The following CDKN2B-AS1 variants were observed in gnomAD, a reference collection of about 807,000 sequenced individuals.
The protein encoded by CDKN2B-AS1 is CDKN2B and CDKN2A antisense cis and trans regulatory RNA 1, also known as CDKN2B antisense RNA 1 (non-protein coding).
intron 1 of CDKN2B-AS1, among the ~76,000 whole-genome samples, chr9:22,042,220 T>G (rs1351505358): frequency 1.3e-5 from 2 of 152,050 alleles, no homozygotes; most frequent in Admixed American, 6.6e-5. Flanking sequence ...CTACCAGCTG[T>G]CTAGGGGCTA....
intron 3 of CDKN2B-AS1, among the ~76,000 whole-genome samples, chr9:22,052,290 G>A (rs547544050): frequency 1.3e-5 from 2 of 152,084 alleles, no homozygotes; most frequent in Non-Finnish European, 2.9e-5. Context: ...GGTCCCTAGA[G>A]CATAGCAGGC....
chr9:22,120,613 T>TA (rs1222478035), intron 4 of CDKN2B-AS1: 1 of 152,042 alleles, frequency 6.6e-6, no homozygotes, highest in Admixed American at 6.6e-5. Context: ...ATGGTTTTTT[T>TA]AAAAAAATAA....
intron 1 of CDKN2B-AS1, among the ~76,000 whole-genome samples, chr9:22,018,427 G>A (rs544185155): frequency 6.6e-5 from 10 of 152,244 alleles, no homozygotes; most frequent in Non-Finnish European, 1.0e-4. Flanking sequence ...GGAGGCCGAG[G>A]CGGGTGGATC....
At chr9:22,105,860 C>G (rs72652496) in intron 4 of CDKN2B-AS1, among the ~76,000 whole-genome samples, 184 of 152,272 alleles carry the variant, frequency 1.2e-3, no homozygotes, top group Admixed American at 2.5e-3. Flanking sequence ...CAACTATGGG[C>G]TTTATTACTT....
At chr9:22,101,459 G>A (rs186031957) in intron 4 of CDKN2B-AS1, among the ~76,000 whole-genome samples, 1 of 152,106 alleles carries the variant, frequency 6.6e-6, no homozygotes, top group Non-Finnish European at 1.5e-5. Flanking sequence ...TGGATGTTAT[G>A]TCAATTTTAA....
intron 4 of CDKN2B-AS1, chr9:22,077,910 G>C (rs1278361399): frequency 6.6e-6 from 1 of 152,100 alleles, no homozygotes. Flanking sequence ...TGGCTTGAAT[G>C]GTCCTCAGAT....
At position 22,038,427 on chromosome 9, in the gene CDKN2B-AS1, A is replaced by G. The variant is rs1822774510; in HGVS notation, n.30-8324A>G. ...AGCGCAGATTTGATAAATCTGTTCA[A>G]GATTTATGAGCTCAAAGAAACCACA... On this transcript the variant is annotated intron_variant and non_coding_transcript_variant, in intron 1 of 4. Coordinates refer to ENST00000650946, the Ensembl canonical transcript of CDKN2B-AS1. Among the ~76,000 whole-genome samples, 4 of 152,016 alleles carry G rather than the reference A, an allele frequency of 2.6e-5. No homozygotes were observed. In the South Asian group the frequency reaches 8.3e-4, roughly 31 times the overall value.
At chr9:22,020,271 A>G (rs1477953620) in intron 1 of CDKN2B-AS1, among the ~76,000 whole-genome samples, 1 of 152,200 alleles carries the variant, frequency 6.6e-6, no homozygotes, top group Non-Finnish European at 1.5e-5. Flanking sequence ...TATCCAGTCT[A>G]TCACTGATGG....
At chr9:22,037,562 A>G (rs905306870) in intron 1 of CDKN2B-AS1, among the ~76,000 whole-genome samples, 1 of 152,040 alleles carries the variant, frequency 6.6e-6, no homozygotes, top group Non-Finnish European at 1.5e-5. Flanking sequence ...GGCATCTTCA[A>G]TACTTGCTGT....
chr9:22,070,583 G>C (rs888891811), intron 4 of CDKN2B-AS1, among the ~76,000 whole-genome samples: 1 of 152,100 alleles, frequency 6.6e-6, no homozygotes, highest in Non-Finnish European at 1.5e-5. Context: ...GAAGGATAGG[G>C]CGTCCTGGGC....
intron 4 of CDKN2B-AS1, chr9:22,112,352 T>TG (rs887370420): frequency 5.9e-4 from 90 of 152,330 alleles, no homozygotes; most frequent in African/African-American, 2.0e-3. Context: ...GAAACATTGC[T>TG]GCTAGCACTT....
chr9:22,014,567 T>C (rs961940715), intron 1 of CDKN2B-AS1, among the ~76,000 whole-genome samples: 2 of 152,158 alleles, frequency 1.3e-5, no homozygotes, highest in Non-Finnish European at 2.9e-5. Context: ...AATGTATTTA[T>C]AAATTTTCAA....
intron 4 of CDKN2B-AS1, among the ~76,000 whole-genome samples, chr9:22,068,073 G>A (rs975363891): frequency 1.9e-4 from 29 of 152,160 alleles, no homozygotes; most frequent in Non-Finnish European, 7.3e-5. Context: ...TGACACATAA[G>A]AGGGGCTTAC....
At chr9:22,126,639 C>T (rs933289238) in intron 4 of CDKN2B-AS1, among the ~76,000 whole-genome samples, 1 of 129,322 alleles carries the variant, frequency 7.7e-6, no homozygotes, top group Non-Finnish European at 1.5e-5. Context: ...GTGGCGCTAT[C>T]TCGGCTCACT....
At chr9:22,084,431 A>G (rs949949869) in intron 4 of CDKN2B-AS1, among the ~76,000 whole-genome samples, 2 of 152,238 alleles carry the variant, frequency 1.3e-5, no homozygotes, top group South Asian at 2.1e-4. Flanking sequence ...TTGGCCATGT[A>G]GTAAATTATA....
intron 4 of CDKN2B-AS1, among the ~76,000 whole-genome samples, chr9:22,077,022 G>A (rs1285828349): frequency 6.6e-6 from 1 of 152,104 alleles, no homozygotes; most frequent in Non-Finnish European, 1.5e-5. Context: ...GGCAGGTTGG[G>A]CATTAGATCT....
At chr9:22,111,296 T>C (rs1825799807) in intron 4 of CDKN2B-AS1, among the ~76,000 whole-genome samples, 1 of 152,138 alleles carries the variant, frequency 6.6e-6, no homozygotes, top group African/African-American at 2.4e-5. Flanking sequence ...AATTCAGCAG[T>C]CTGTTACCAT....
At chr9:22,066,494 C>G (rs1235628485) in intron 4 of CDKN2B-AS1, 1 of 151,940 alleles carries the variant, frequency 6.6e-6, no homozygotes, top group East Asian at 2.0e-4. Context: ...TGCACTAAGC[C>G]AAAAACTCTT....
chr9:22,083,526 A>G (rs943831097), intron 4 of CDKN2B-AS1, among the ~76,000 whole-genome samples: 3 of 152,224 alleles, frequency 2.0e-5, no homozygotes, highest in Non-Finnish European at 2.9e-5. Context: ...TTATTTTTGA[A>G]TGAAGATTCC....
Sources: gnomAD v4.1 joint callset for allele counts (sites outside exome capture counted in the v4.1 genomes callset) on GRCh38, gnomAD v4.1.1 for gene constraint, MANE v1.5 for transcripts, NCBI Gene and HGNC (gene_info 2026-07-23, HGNC 2026-07-21) for gene names.